Variants in RAPGEF4 observed in about 807,000 individuals in gnomAD.
RAPGEF4 encodes the protein Rap guanine nucleotide exchange factor 4.
A neutral mutation model predicts 147.9 loss-of-function variants in RAPGEF4; 66 were observed. The ratio of observed to expected loss-of-function variants is 0.45; its 90% CI spans 0.37 to 0.55. The LOEUF (loss-of-function observed/expected upper bound fraction) is 0.55, where lower values mean the gene tolerates loss of function less well. Ranked by LOEUF, RAPGEF4 falls within the 20% of genes least tolerant of loss-of-function variation. The pLI is 0.00. For missense variants in RAPGEF4, 1,071 were observed against 1,257.3 expected (o/e 0.85, Z 2.24); for synonymous variants, 419 against 442.7 (o/e 0.95, Z 0.67).
chr2:172,934,311 G>C (rs781016917), intron 6 of RAPGEF4, among the ~76,000 whole-genome samples: 1 of 151,540 alleles, frequency 6.6e-6, no homozygotes, highest in African/African-American at 2.4e-5. Context: ...CACCATGCCC[G>C]GCTAATTTTT....
intron 1 of RAPGEF4, among the ~76,000 whole-genome samples, chr2:172,788,143 G>A (rs566767473): frequency 1.2e-4 from 19 of 152,252 alleles, no homozygotes; most frequent in Non-Finnish European, 2.5e-4. Flanking sequence ...TGAGGGCTCT[G>A]CCCTTACGGT....
At chr2:172,739,261 G>T (rs576386911) in intron 1 of RAPGEF4, among the ~76,000 whole-genome samples, 38 of 151,926 alleles carry the variant, frequency 2.5e-4, no homozygotes, top group Non-Finnish European at 4.0e-4. Flanking sequence ...TTTCTGAGGG[G>T]ATGGCAACTA....
In RAPGEF4 at chr2:172,875,290, G is replaced by A. The variant is rs1349608998; in HGVS notation, c.445-42512G>A. Reference sequence around the variant, plus strand: ...GTCAATTTTGGCTTTTGTTGCCATCGCTTTTGGTGTTTTAGACATGAAGTC... The same window carrying A: ...GTCAATTTTGGCTTTTGTTGCCATCACTTTTGGTGTTTTAGACATGAAGTC... On this transcript the variant is annotated intron_variant, in intron 4 of 30. Coordinates refer to ENST00000397081, the MANE Select transcript of RAPGEF4 (RefSeq NM_007023.4). Among the ~76,000 whole-genome samples, 12 of 152,208 alleles carry A rather than the reference G, an allele frequency of 7.9e-5. No individual in the cohort carries two copies. The South Asian group carries it at 8.3e-4, about 11-fold the overall frequency.
chr2:172,911,045 A>T (rs1288386921), intron 4 of RAPGEF4, among the ~76,000 whole-genome samples: 3 of 152,190 alleles, frequency 2.0e-5, no homozygotes, highest in Admixed American at 2.0e-4. Context: ...TCTGGCCACG[A>T]CAGTTCACAA....
At chr2:172,755,645 C>T (rs1329840996) in intron 1 of RAPGEF4, among the ~76,000 whole-genome samples, 1 of 152,188 alleles carries the variant, frequency 6.6e-6, no homozygotes, top group African/African-American at 2.4e-5. Context: ...ATCTGCCCAC[C>T]TCGGCCTCCC....
At chr2:172,981,059 A>G (rs2105643904) in intron 10 of RAPGEF4, among the ~76,000 whole-genome samples, 1 of 152,354 alleles carries the variant, frequency 6.6e-6, no homozygotes, top group South Asian at 2.1e-4. Context: ...CAAAATTACA[A>G]CTTTGAATAT....
At chr2:172,735,823 C>T (rs1693688258), upstream of RAPGEF4, 1 of 421,020 alleles carries the variant, frequency 2.4e-6, no homozygotes, top group African/African-American at 2.1e-5. Flanking sequence ...CGCCCCAGGC[C>T]GCGGGAGCCC....
intron 26 of RAPGEF4, 93 bp downstream of exon 26, chr2:173,030,347 C>T: frequency 1.0e-6 from 1 of 982,650 alleles, no homozygotes; most frequent in South Asian, 1.4e-5. Context: ...ATCACTCACA[C>T]TAGTATAACA....
At chr2:173,046,939 A>G (rs1014902333) in intron 29 of RAPGEF4, among the ~76,000 whole-genome samples, 36 of 152,242 alleles carry the variant, frequency 2.4e-4, no homozygotes, top group Admixed American at 2.2e-3. Context: ...TTTTTTTTAC[A>G]CTATGTAAGC....
At chr2:173,048,738 C>G (rs1371779626) in intron 30 of RAPGEF4, 84 bp downstream of exon 30, 1 of 1,593,214 alleles carries the variant, frequency 6.3e-7, no homozygotes, top group Non-Finnish European at 8.5e-7. Context: ...ACCCTTGGAG[C>G]CTGGGAAATA....
intron 3 of RAPGEF4, among the ~76,000 whole-genome samples, chr2:172,799,070 C>T (rs1198566836): frequency 2.0e-5 from 3 of 152,120 alleles, no homozygotes; most frequent in Admixed American, 6.5e-5. Flanking sequence ...GCCTCAGTTT[C>T]GAATGGGAAG....
chr2:172,948,761 A>G (rs371005076), intron 6 of RAPGEF4, among the ~76,000 whole-genome samples: 5 of 152,146 alleles, frequency 3.3e-5, no homozygotes, highest in African/African-American at 1.2e-4. Flanking sequence ...ATGAGAATAC[A>G]TGGACCCACA....
chr2:172,957,808 A>G (rs1040518850), intron 6 of RAPGEF4, among the ~76,000 whole-genome samples: 4 of 152,228 alleles, frequency 2.6e-5, no homozygotes, highest in Non-Finnish European at 5.9e-5. Flanking sequence ...TACTAGCTAA[A>G]AGACAACCTT....
intron 4 of RAPGEF4, among the ~76,000 whole-genome samples, chr2:172,835,274 G>A (rs1690800299): frequency 6.6e-6 from 1 of 152,212 alleles, no homozygotes; most frequent in South Asian, 2.1e-4. Flanking sequence ...ATATGCAGTT[G>A]CTAATTGTGT....
intron 18 of RAPGEF4, 132 bp downstream of exon 18, chr2:173,014,746 G>A (rs916639592): frequency 3.4e-6 from 3 of 879,050 alleles, no homozygotes; most frequent in South Asian, 2.6e-5. Flanking sequence ...TCATTCATCA[G>A]AAAGGAACTA....
At chr2:172,823,462 C>A (rs1689305647) in intron 4 of RAPGEF4, among the ~76,000 whole-genome samples, 1 of 152,218 alleles carries the variant, frequency 6.6e-6, no homozygotes, top group African/African-American at 2.4e-5. Flanking sequence ...TTCCCCCAGG[C>A]AAAGGCAGTT....
At chr2:172,902,907 T>C (rs1024881046) in intron 4 of RAPGEF4, among the ~76,000 whole-genome samples, 4 of 152,212 alleles carry the variant, frequency 2.6e-5, no homozygotes, top group African/African-American at 9.6e-5. Context: ...TCCTACTACA[T>C]ATATGCAGTA....
intron 1 of RAPGEF4, among the ~76,000 whole-genome samples, chr2:172,756,779 T>C (rs1695819416): frequency 6.6e-6 from 1 of 152,234 alleles, no homozygotes; most frequent in Admixed American, 6.5e-5. Context: ...GAGTTTAATG[T>C]GCTATCCCTT....
chr2:172,743,462 G>A (rs894014148), intron 1 of RAPGEF4, among the ~76,000 whole-genome samples: 1 of 152,130 alleles, frequency 6.6e-6, no homozygotes, highest in African/African-American at 2.4e-5. Flanking sequence ...TGTTTCCTTT[G>A]CTGTAACTGC....
Sources: gnomAD v4.1 joint callset for allele counts (sites outside exome capture counted in the v4.1 genomes callset) on GRCh38, gnomAD v4.1.1 for gene constraint, MANE v1.5 for transcripts, NCBI Gene and HGNC (gene_info 2026-07-23, HGNC 2026-07-21) for gene names.